The following C8orf34 variants were observed in gnomAD, a reference collection of about 807,000 sequenced individuals.
The protein encoded by C8orf34 is chromosome 8 open reading frame 34.
Under a neutral mutation model 68.3 loss-of-function variants are expected in C8orf34, and 65 were observed. That is an observed-to-expected ratio of 0.95 (90% CI 0.78 to 1.17). The LOEUF is 1.17. Ranked by LOEUF, C8orf34 falls within the 50% of genes most tolerant of loss-of-function variation. The pLI, the probability that C8orf34 is intolerant of heterozygous loss-of-function variation, is 0.00. For missense variants in C8orf34, 664 were observed against 655.4 expected, an observed-to-expected ratio of 1.01 and a Z score of -0.14; for synonymous variants, 244 against 241.2, an observed-to-expected ratio of 1.01 and a Z score of -0.11.
At chr8:68,433,328 A>C (rs1810525415) in intron 1 of C8orf34, among the ~76,000 whole-genome samples, 1 of 152,202 alleles carries the variant, frequency 6.6e-6, no homozygotes, top group Non-Finnish European at 1.5e-5. Flanking sequence ...ATTTGAGATA[A>C]TTTATGGGTG....
chr8:68,537,585 A>AC (rs1815532294), intron 7 of C8orf34, among the ~76,000 whole-genome samples: 1 of 151,838 alleles, frequency 6.6e-6, no homozygotes, highest in African/African-American at 2.4e-5. Flanking sequence ...TAGAGTAGAA[A>AC]AAATCACATA....
At chr8:68,358,286 C>T (rs1806833266) in intron 1 of C8orf34, among the ~76,000 whole-genome samples, 1 of 151,990 alleles carries the variant, frequency 6.6e-6, no homozygotes, top group African/African-American at 2.4e-5. Flanking sequence ...CTGGATTAGT[C>T]TTATGAACAG....
chr8:68,756,971 T>C (rs73275970), intron 10 of C8orf34, among the ~76,000 whole-genome samples: 1,905 of 152,206 alleles, frequency 0.013, 37 homozygotes, highest in African/African-American at 0.043. Context: ...CATAGGGTGA[T>C]TAGATGCCTA....
intron 7 of C8orf34, among the ~76,000 whole-genome samples, chr8:68,556,127 C>T (rs938511181): frequency 6.6e-6 from 1 of 151,514 alleles, no homozygotes; most frequent in Admixed American, 6.6e-5. Flanking sequence ...AAGTAGCAAA[C>T]CTTATGTATG....
chr8:68,784,798 GTGTA>G (rs1426787425), intron 11 of C8orf34, among the ~76,000 whole-genome samples: 74 of 129,936 alleles, frequency 5.7e-4, no homozygotes, highest in African/African-American at 2.4e-3. Context: ...GTGTATGTGT[GTGTA>G]TGTGTGTGTG....
chr8:68,349,592 T>C (rs998424040), intron 1 of C8orf34, among the ~76,000 whole-genome samples: 1 of 151,816 alleles, frequency 6.6e-6, no homozygotes, highest in Non-Finnish European at 1.5e-5. Context: ...TTGGTTGTGT[T>C]TCTATCAGGG....
chr8:68,584,255 T>C (rs1362744665), intron 7 of C8orf34, among the ~76,000 whole-genome samples: 1 of 152,072 alleles, frequency 6.6e-6, no homozygotes, highest in Non-Finnish European at 1.5e-5. Context: ...CAAACTCAAC[T>C]GAGATTTTTG....
intron 12 of C8orf34, among the ~76,000 whole-genome samples, chr8:68,804,526 A>G (rs972369391): frequency 6.6e-6 from 1 of 152,192 alleles, no homozygotes; most frequent in Non-Finnish European, 1.5e-5. Context: ...AACTTTAACT[A>G]TAACCTTCAA....
At chr8:68,715,073 A>C (rs916922184) in intron 9 of C8orf34, among the ~76,000 whole-genome samples, 1 of 152,192 alleles carries the variant, frequency 6.6e-6, no homozygotes, top group Non-Finnish European at 1.5e-5. Context: ...GGCAAGCCAC[A>C]TGTAGAAGAA....
intron 4 of C8orf34, among the ~76,000 whole-genome samples, chr8:68,487,102 C>T (rs1397376653): frequency 1.3e-5 from 2 of 152,030 alleles, no homozygotes; most frequent in Non-Finnish European, 2.9e-5. Context: ...AAGAATTCAA[C>T]AATTAGCTCA....
intron 7 of C8orf34, among the ~76,000 whole-genome samples, chr8:68,616,734 T>C (rs1187895216): frequency 2.6e-5 from 4 of 152,006 alleles, no homozygotes; most frequent in Non-Finnish European, 4.4e-5. Context: ...TTGGAATAGG[T>C]GTGGTGTGGT....
intron 10 of C8orf34, among the ~76,000 whole-genome samples, chr8:68,751,810 A>T (rs1253790964): frequency 6.6e-6 from 1 of 151,680 alleles, no homozygotes; most frequent in Non-Finnish European, 1.5e-5. Flanking sequence ...GAATTATTTT[A>T]TTATGACGTT....
intron 8 of C8orf34, among the ~76,000 whole-genome samples, chr8:68,645,713 T>C (rs188971191): frequency 6.6e-6 from 1 of 152,286 alleles, no homozygotes; most frequent in African/African-American, 2.4e-5. Context: ...ATAGAATCAA[T>C]AAGACTCAAG....
intron 7 of C8orf34, among the ~76,000 whole-genome samples, chr8:68,631,760 G>A (rs770221457): frequency 1.3e-5 from 2 of 152,056 alleles, no homozygotes; most frequent in Non-Finnish European, 2.9e-5. Context: ...TGATGGTTTA[G>A]AGGTGTTCGG....
intron 4 of C8orf34, among the ~76,000 whole-genome samples, chr8:68,479,859 T>C (rs1234816844): frequency 6.6e-6 from 1 of 152,218 alleles, no homozygotes; most frequent in African/African-American, 2.4e-5. Context: ...TATGTGCTTC[T>C]AGAGCAGGGC....
At chr8:68,505,196 T>C (rs7838798) in intron 5 of C8orf34, among the ~76,000 whole-genome samples, 18,603 of 152,214 alleles carry the variant, frequency 0.12, 1,140 homozygotes, top group East Asian at 0.18. Flanking sequence ...CCATCATTTG[T>C]TATGGTTTGT....
At chr8:68,342,967 G>T (rs1016933454) in intron 1 of C8orf34, among the ~76,000 whole-genome samples, 1 of 152,134 alleles carries the variant, frequency 6.6e-6, no homozygotes, top group Non-Finnish European at 1.5e-5. Context: ...TCATGAAATT[G>T]TGAAGAGGAA....
intron 3 of C8orf34, among the ~76,000 whole-genome samples, chr8:68,467,726 C>A (rs2129629819): frequency 6.6e-6 from 1 of 151,976 alleles, no homozygotes; most frequent in Admixed American, 6.6e-5. Flanking sequence ...ATTTTTCAGT[C>A]CTTCAAAGTA....
At chr8:68,423,519 C>A (rs949314270) in intron 1 of C8orf34, among the ~76,000 whole-genome samples, 1 of 152,130 alleles carries the variant, frequency 6.6e-6, no homozygotes, top group Non-Finnish European at 1.5e-5. Flanking sequence ...CAAATTTTCC[C>A]ACATCTTCCT....
Sources: gnomAD v4.1 joint callset for allele counts (sites outside exome capture counted in the v4.1 genomes callset) on GRCh38, gnomAD v4.1.1 for gene constraint, MANE v1.5 for transcripts, NCBI Gene and HGNC (gene_info 2026-07-23, HGNC 2026-07-21) for gene names.